Variants in RINT1 observed in about 807,000 individuals in gnomAD.
The protein encoded by RINT1 is RAD50 interactor 1, also known as RAD50-interacting protein 1.
A neutral mutation model predicts 97.7 loss-of-function variants in RINT1; 75 were observed. That is an observed-to-expected ratio of 0.77 (90% CI 0.64 to 0.93). RINT1 has a LOEUF of 0.93. Ranked by LOEUF, RINT1 falls within the 40% of genes least tolerant of loss-of-function variation. The probability of loss-of-function intolerance (pLI) is 0.00; values close to 1 mark genes in which losing one functional copy is unlikely to be tolerated. For synonymous variants in RINT1, 303 were observed against 326.3 expected, an observed-to-expected ratio of 0.93 and a Z score of 0.77; for missense variants, 892 against 925.2, an observed-to-expected ratio of 0.96 and a Z score of 0.47.
intron 14 of RINT1, chr7:105,566,609 C>G (rs1791758765): frequency 6.6e-6 from 1 of 151,604 alleles, no homozygotes; most frequent in Admixed American, 6.6e-5. Flanking sequence ...AGTTTCACTC[C>G]AGCCTAGGTG....
At chr7:105,560,986 C>T (rs894408502) in intron 11 of RINT1, among the ~76,000 whole-genome samples, 1 of 151,890 alleles carries the variant, frequency 6.6e-6, no homozygotes, top group Non-Finnish European at 1.5e-5. Flanking sequence ...TCCCAAAGTG[C>T]TGGGTTTACA....
intron 10 of RINT1, among the ~76,000 whole-genome samples, chr7:105,552,862 C>T (rs1028518965): frequency 6.6e-6 from 1 of 151,514 alleles, no homozygotes; most frequent in African/African-American, 2.4e-5. Flanking sequence ...TTAGTAGAGA[C>T]GGGGTTTCAC....
rs1409708843 is a variant in RINT1, at chr7:105,559,515, T to C, written c.1672-4218T>C. ...GAGATTGTGCCACTGCACTCCAGCT[T>C]GGGTGAGAGAGCAAGACTCTGTCTC... is the stretch of plus-strand genomic sequence containing the variant. On this transcript the variant is annotated intron_variant, in intron 11 of 14. Transcript: ENST00000257700. Among the ~76,000 whole-genome samples the C allele has an allele frequency of 3.2e-5, 4 of 125,382 alleles. No homozygotes were observed. In the East Asian group the frequency reaches 9.2e-4, roughly 29 times the overall value. The allele number at this position is 125,382 out of a possible 152,430, so 82.3% of individuals were successfully genotyped here.
rs1586243751 is a variant in RINT1 at position 105,551,698 on chromosome 7, G to T, written c.1462G>T (p.Val488Phe). ...AGAAACTTTTATGACTCTACTCTTG[G>T]TTATAACTGGTAAGTATGTCTTTTA... ...CAETFMTLLL[V>F]ITDRYKNLPT... is the part of the protein sequence containing the mutation. Residue 488 changes from valine (V) to phenylalanine (F), a missense_variant, in exon 10 of 15, where the codon GTT (valine) becomes TTT (phenylalanine). Val to Phe is a conservative substitution (Grantham distance 50, BLOSUM62 -1). Coordinates refer to ENST00000257700, the MANE Select transcript of RINT1 (RefSeq NM_021930.6). 4.4e-6 allele frequency: 7 copies of T among 1,596,380 alleles called. No homozygotes were observed. Among genetic ancestry groups the T allele is most frequent in the Non-Finnish European group, 6.0e-6 (7 of 1,173,240 alleles).
At position 105,542,407 on chromosome 7, in the gene RINT1, GGT is replaced by G; in HGVS notation, c.274_275del (p.Val92ThrfsTer9). ...TVSKMQLEEQVLTISSEIPKR... is the reference protein window; with the variant it reads ...TVSKMQLEEQXLTISSEIPKR... ...TCTTTCTTTTTTAAAATTATGGTCA[GGT>G]ACTTACAATTTCATCAGAAATTCCT... is the stretch of plus-strand genomic sequence containing the variant. On this transcript the variant is annotated frameshift_variant and splice_region_variant, in exon 4 of 15. Coordinates refer to ENST00000257700, the MANE Select transcript of RINT1 (RefSeq NM_021930.6). LOFTEE classifies it high-confidence loss of function. 6.3e-7 allele frequency: 1 copy of G among 1,589,604 alleles called. No individual in the cohort carries two copies. Among genetic ancestry groups the G allele is most frequent in the African/African-American group, 1.3e-5 (1 of 74,404 alleles).
At chr7:105,533,127 C>T (rs1410122172) in intron 2 of RINT1, among the ~76,000 whole-genome samples, 1 of 152,164 alleles carries the variant, frequency 6.6e-6, no homozygotes, top group Non-Finnish European at 1.5e-5. Context: ...TGGAAGTCTG[C>T]CTATCATACA....
At chr7:105,554,227 G>T (rs1791074037) in intron 10 of RINT1, among the ~76,000 whole-genome samples, 1 of 150,568 alleles carries the variant, frequency 6.6e-6, no homozygotes, top group Non-Finnish European at 1.5e-5. Context: ...TAGAGACAGG[G>T]TTTCACTGTG....
At chr7:105,542,687 C>T in intron 4 of RINT1, 38 bp downstream of exon 4, 1 of 1,601,120 alleles carries the variant, frequency 6.2e-7, no homozygotes, top group Non-Finnish European at 8.5e-7. Flanking sequence ...TTACTATTTT[C>T]CTTTGAGGCT....
At chr7:105,562,321 G>A (rs1447551093) in intron 11 of RINT1, among the ~76,000 whole-genome samples, 1 of 152,122 alleles carries the variant, frequency 6.6e-6, no homozygotes, top group African/African-American at 2.4e-5. Flanking sequence ...CACAATCTTG[G>A]CTCACTGCAA....
intron 4 of RINT1, 119 bp downstream of exon 4, chr7:105,542,768 C>T: frequency 9.5e-7 from 1 of 1,054,368 alleles, no homozygotes. Flanking sequence ...TATAATTTTA[C>T]CAGTTGTTGT....
At chr7:105,561,120 G>A (rs1232334832) in intron 11 of RINT1, among the ~76,000 whole-genome samples, 4 of 151,422 alleles carry the variant, frequency 2.6e-5, no homozygotes, top group African/African-American at 9.7e-5. Context: ...AAAAAACCTT[G>A]GCAAGGTGAT....
chr7:105,541,170 GCT>G, intron 3 of RINT1, among the ~76,000 whole-genome samples: 1 of 150,500 alleles, frequency 6.6e-6, no homozygotes, highest in Non-Finnish European at 1.5e-5. Flanking sequence ...GAGGAGTCTT[GCT>G]CTGTCACCCA....
chr7:105,548,597 T>C lies in RINT1; in HGVS notation c.883T>C (p.Ser295Pro), dbSNP rs1356970011. The C allele has an allele frequency of 1.2e-6, 2 of 1,614,042 alleles. No homozygotes were observed. The highest frequency in any genetic ancestry group is 2.7e-5 in the African/African-American group (2 of 74,942). ...GCCAAAGCAACTCCCAGAAAAATAC[T>C]CTCTTCCTGCCTCCCCTTCTGTCAT... ...TEPKQLPEKY[S>P]LPASPSVILP... Residue 295 changes from serine to proline, a missense_variant, in exon 7 of 15, where the codon TCT (serine) becomes CCT (proline). By Grantham distance (74) the Ser-to-Pro change is moderately conservative. Coordinates refer to ENST00000257700, the MANE Select transcript of RINT1 (RefSeq NM_021930.6).
intron 4 of RINT1, among the ~76,000 whole-genome samples, chr7:105,545,286 G>C (rs1287767375): frequency 2.0e-5 from 3 of 148,744 alleles, no homozygotes; most frequent in Non-Finnish European, 4.5e-5. Flanking sequence ...CCCCATCTCT[G>C]TTTAAAAAAA....
chr7:105,551,915 G>A (rs1173325934), intron 10 of RINT1, among the ~76,000 whole-genome samples: 1 of 151,978 alleles, frequency 6.6e-6, no homozygotes, highest in Non-Finnish European at 1.5e-5. Flanking sequence ...AAAAAATACA[G>A]AAATTAGCCA....
rs775208941 is a variant in RINT1 at position 105,565,692 on chromosome 7, T to C, written c.2186+44T>C. On this transcript the variant is annotated intron_variant, in intron 14 of 14. Coordinates refer to ENST00000257700, the MANE Select transcript of RINT1 (RefSeq NM_021930.6). ...AATTAATATTAATGTATCAAATTGT[T>C]ACAGGAGGCTAACTCCTTTTAACTT... 1.1e-5 allele frequency: 14 copies of C among 1,296,730 alleles called. No individual in the cohort carries two copies. The South Asian group carries it at 1.6e-4, about 15-fold the overall frequency. The allele number at this position is 1,296,730 out of a possible 1,614,324, so 80.3% of individuals were successfully genotyped here.
chr7:105,563,172 TATG>T (rs2133459526), intron 11 of RINT1, among the ~76,000 whole-genome samples: 1 of 152,304 alleles, frequency 6.6e-6, no homozygotes, highest in South Asian at 2.1e-4. Context: ...CCATACGTTG[TATG>T]ATTTCATTTA....
rs766990153 is a variant in RINT1 at position 105,546,977 on chromosome 7, G to A, written c.583G>A (p.Ala195Thr). The A allele has an allele frequency of 1.2e-6, 2 of 1,613,820 alleles. No homozygotes were observed. Among genetic ancestry groups the A allele is most frequent in the Admixed American group, 1.7e-5 (1 of 60,002 alleles). Reference sequence around the variant, plus strand: ...GGCAGCCTCCACTCTAGTGTCTATGGCAGAACTTGACATTAAACTTCAGGA... The same window carrying A: ...GGCAGCCTCCACTCTAGTGTCTATGACAGAACTTGACATTAAACTTCAGGA... ...PEAASTLVSM[A>T]ELDIKLQESS... is the part of the protein sequence containing the mutation. Residue 195 changes from alanine to threonine, a missense_variant, in exon 5 of 15, where the codon GCA becomes ACA. Ala to Thr is a moderately conservative substitution (Grantham distance 58). Transcript: ENST00000257700.
At chr7:105,535,386 T>C (rs1790188652) in intron 2 of RINT1, among the ~76,000 whole-genome samples, 1 of 151,924 alleles carries the variant, frequency 6.6e-6, no homozygotes, top group Admixed American at 6.6e-5. Context: ...TGCACCGCCA[T>C]GCCCAGCTAA....
Sources: gnomAD v4.1 joint callset for allele counts (sites outside exome capture counted in the v4.1 genomes callset) on GRCh38, gnomAD v4.1.1 for gene constraint, MANE v1.5 for transcripts, NCBI Gene and HGNC (gene_info 2026-07-23, HGNC 2026-07-21) for gene names.